RNF144A: variants seen among roughly 807,000 people sequenced by gnomAD.
RNF144A encodes ring finger protein 144A, also known as E3 ubiquitin-protein ligase RNF144A.
In RNF144A, 11 loss-of-function variants were observed where a neutral mutation model predicts 38.7. The ratio of observed to expected loss-of-function variants is 0.28; its 90% CI spans 0.18 to 0.47. The LOEUF is 0.47. Ranked by LOEUF, RNF144A falls within the 20% of genes least tolerant of loss-of-function variation. The probability of loss-of-function intolerance (pLI) is 0.99; values close to 1 mark genes in which losing one functional copy is unlikely to be tolerated. For missense variants in RNF144A, 316 were observed against 377.2 expected (o/e 0.84, Z 1.34); for synonymous variants, 149 against 143.9 (o/e 1.04, Z -0.25).
intron 3 of RNF144A, among the ~76,000 whole-genome samples, chr2:7,004,384 C>T (rs1015457051): frequency 6.6e-6 from 1 of 152,180 alleles, no homozygotes; most frequent in Admixed American, 6.5e-5. Flanking sequence ...GCTCTATTGG[C>T]TGCACCACCC....
At chr2:6,961,113 C>T (rs1007580639) in intron 2 of RNF144A, among the ~76,000 whole-genome samples, 5 of 151,710 alleles carry the variant, frequency 3.3e-5, no homozygotes, top group Admixed American at 2.0e-4. Flanking sequence ...TGTAATTTCT[C>T]TTTAAAACAT....
At chr2:6,996,289 CA>C (rs1488484823) in intron 2 of RNF144A, among the ~76,000 whole-genome samples, 5 of 152,196 alleles carry the variant, frequency 3.3e-5, no homozygotes, top group African/African-American at 9.7e-5. Context: ...TGTATTTTAG[CA>C]AAAGCTTCTC....
chr2:7,031,460 G>C (rs1209771664), intron 8 of RNF144A, among the ~76,000 whole-genome samples: 2 of 152,214 alleles, frequency 1.3e-5, no homozygotes, highest in African/African-American at 4.8e-5. Context: ...GGCAGGGACA[G>C]ACCCTTTTAG....
At chr2:7,004,201 C>T (rs1309179903) in intron 3 of RNF144A, among the ~76,000 whole-genome samples, 2 of 152,248 alleles carry the variant, frequency 1.3e-5, no homozygotes. Flanking sequence ...TCAAACCAGG[C>T]AGAGGCCTCT....
At chr2:6,968,960 C>G (rs1172421353) in intron 2 of RNF144A, among the ~76,000 whole-genome samples, 1 of 152,184 alleles carries the variant, frequency 6.6e-6, no homozygotes, top group African/African-American at 2.4e-5. Context: ...AGAGCCGCAC[C>G]TCAAGAGCGC....
intron 1 of RNF144A, among the ~76,000 whole-genome samples, chr2:6,928,628 C>T (rs2103276451): frequency 6.6e-6 from 1 of 152,350 alleles, no homozygotes; most frequent in East Asian, 1.9e-4. Flanking sequence ...CTCCGTGCTC[C>T]TCCCTTCCTT....
intron 1 of RNF144A, among the ~76,000 whole-genome samples, chr2:6,920,279 C>T (rs753978255): frequency 5.9e-5 from 9 of 152,202 alleles, no homozygotes; most frequent in Admixed American, 1.3e-4. Flanking sequence ...GACTGACAAT[C>T]ACAGAACCAG....
chr2:7,065,578 G>A lies in RNF144A; in HGVS notation c.735-2638G>A, dbSNP rs527495194. Among the ~76,000 whole-genome samples, 9 of 152,286 alleles carry A rather than the reference G, an allele frequency of 5.9e-5. No homozygotes were observed. The South Asian group carries it at 1.0e-3, about 18-fold the overall frequency. ...TTAGTATTAATTGTACACTAGTGTG[G>A]AACTAGAATTTGGTCTTTTCCATTA... On this transcript the variant is annotated intron_variant, in intron 6 of 6. Transcript: ENST00000432850.
chr2:6,981,167 C>A (rs940452431), intron 2 of RNF144A, among the ~76,000 whole-genome samples: 2 of 152,202 alleles, frequency 1.3e-5, no homozygotes, highest in Admixed American at 1.3e-4. Context: ...CCTTGAAGAT[C>A]TCTGAAATGC....
chr2:7,022,146 C>G (rs991471368), intron 6 of RNF144A, among the ~76,000 whole-genome samples: 1 of 152,254 alleles, frequency 6.6e-6, no homozygotes, highest in African/African-American at 2.4e-5. Context: ...ACAGTCCTCA[C>G]TACTCCTTGT....
Position 7,042,070 on chromosome 2 carries a change from G to A in RNF144A, c.*2310G>A, listed in dbSNP as rs964768281. The stretch of plus-strand genomic sequence containing the variant: ...TGGCACCTACTGGCTCTGACTTTTT[G>A]TATGAAGCATGCCTCAGTTTCCTCA... On this transcript the variant is annotated 3_prime_UTR_variant, in exon 9 of 9. Coordinates refer to ENST00000320892, the MANE Select transcript of RNF144A (RefSeq NM_014746.6). The A allele has an allele frequency of 1.3e-5, 13 of 985,230 alleles. No homozygotes were observed. Among genetic ancestry groups the A allele is most frequent in the African/African-American group, 1.7e-5 (1 of 57,196 alleles). 61.0% of individuals were successfully genotyped at this position (985,230 alleles called of 1,614,324 possible). A position where few individuals can be genotyped will look rare whatever the true frequency, so the allele number is the denominator to read the frequency against.
intron 7 of RNF144A, among the ~76,000 whole-genome samples, chr2:7,027,111 C>T (rs1488437366): frequency 1.3e-5 from 2 of 152,142 alleles, no homozygotes; most frequent in African/African-American, 2.4e-5. Flanking sequence ...TCTCCTGTTT[C>T]CCCCAAGCGT....
chr2:6,976,383 C>G (rs1487287336), intron 2 of RNF144A, among the ~76,000 whole-genome samples: 1 of 151,966 alleles, frequency 6.6e-6, no homozygotes, highest in African/African-American at 2.4e-5. Context: ...TTTTCTTTTC[C>G]TGTGAATTTT....
At chr2:7,055,106 TCTCA>T (rs1673681218) in intron 6 of RNF144A, among the ~76,000 whole-genome samples, 1 of 152,146 alleles carries the variant, frequency 6.6e-6, no homozygotes, top group Admixed American at 6.5e-5. Context: ...GTCCTGTAGC[TCTCA>T]CTCTCCCAGT....
intron 3 of RNF144A, among the ~76,000 whole-genome samples, chr2:7,004,849 T>A (rs890303539): frequency 3.3e-5 from 5 of 152,198 alleles, no homozygotes; most frequent in Non-Finnish European, 5.9e-5. Flanking sequence ...TAAAGGAGCT[T>A]TTGAAGAGAA....
chr2:7,025,527 C>G (rs902223402), intron 7 of RNF144A, among the ~76,000 whole-genome samples: 3 of 152,002 alleles, frequency 2.0e-5, no homozygotes, highest in African/African-American at 7.2e-5. Context: ...TACAAATTAT[C>G]CAGTCATGGT....
intron 5 of RNF144A, among the ~76,000 whole-genome samples, chr2:7,019,840 G>A (rs1411036390): frequency 6.6e-6 from 1 of 152,224 alleles, no homozygotes; most frequent in Non-Finnish European, 1.5e-5. Context: ...TGTGTGCTGT[G>A]ATTTGGAGAG....
In RNF144A at chr2:6,969,666, TGC is replaced by T. The variant is rs1469410085; in HGVS notation, c.-11-27249_-11-27248del. 3.3e-5 allele frequency among the ~76,000 whole-genome samples: 5 copies of T among 152,350 alleles called. No individual in the cohort carries two copies. The East Asian group carries it at 9.6e-4, about 29-fold the overall frequency. ...AGTATGAAACGTTGAGTGCTGACAA[TGC>T]CACAGGTGAAAACATTCATATTTGA... is the stretch of plus-strand genomic sequence containing the variant. On this transcript the variant is annotated intron_variant, in intron 2 of 8. Transcript: ENST00000320892.
chr2:7,024,373 G>T lies in RNF144A; in HGVS notation c.514G>T (p.Ala172Ser). The change falls in exon 7 of 9, where the codon GCT becomes TCT. Residue 172 changes from alanine (A) to serine (S), a missense_variant. Transcript: ENST00000320892. ...ITFLPGETSA[A>S]FKMEEDDAPI... The stretch of plus-strand genomic sequence containing the variant: ...CTCACGGCGTTTCTCCCACAGTGCT[G>T]CTTTCAAAATGGAAGAAGATGACGC... 1.2e-6 allele frequency: 2 copies of T among 1,605,730 alleles called. No individual in the cohort carries two copies. The highest frequency in any genetic ancestry group is 1.7e-6 in the Non-Finnish European group (2 of 1,172,810).
Sources: gnomAD v4.1 joint callset for allele counts (sites outside exome capture counted in the v4.1 genomes callset) on GRCh38, gnomAD v4.1.1 for gene constraint, MANE v1.5 for transcripts, NCBI Gene and HGNC (gene_info 2026-07-23, HGNC 2026-07-21) for gene names.